The following ZRANB3 variants were observed in gnomAD, a reference collection of about 807,000 sequenced individuals.
ZRANB3 encodes the protein zinc finger RANBP2-type containing 3.
In ZRANB3, 125 loss-of-function variants were observed where a neutral mutation model predicts 133.8. The ratio of observed to expected loss-of-function variants is 0.93; its 90% confidence interval spans 0.81 to 1.08. The LOEUF (loss-of-function observed/expected upper bound fraction) is 1.08. Ranked by LOEUF, ZRANB3 falls within the 50% of genes least tolerant of loss-of-function variation. ZRANB3 has a pLI of 0.00. For missense variants in ZRANB3, 1,229 were observed against 1,275.5 expected, an observed-to-expected ratio of 0.96 and a Z score of 0.56; for synonymous variants, 387 against 432.7, an observed-to-expected ratio of 0.89 and a Z score of 1.31.
chr2:135,219,189 A>G lies in ZRANB3; in HGVS notation c.2251-11T>C, dbSNP rs1258818055. The G allele has an allele frequency of 6.7e-7, 1 of 1,490,352 alleles. No homozygotes were observed. Among genetic ancestry groups the G allele is most frequent in the African/African-American group, 1.4e-5 (1 of 69,806 alleles). 92.3% of individuals were successfully genotyped at this position (1,490,352 alleles called of 1,614,324 possible). On this transcript the variant is annotated splice_polypyrimidine_tract_variant and intron_variant, in intron 15 of 20. Transcript: ENST00000264159. ...CATCTGTTTTCCATCCTGATGATAGATTAGGAAGACACTAATAATCCATTT... is the reference window on the plus strand; with the variant it reads ...CATCTGTTTTCCATCCTGATGATAGGTTAGGAAGACACTAATAATCCATTT...
intron 4 of ZRANB3, among the ~76,000 whole-genome samples, chr2:135,352,431 G>C (rs1685252624): frequency 6.6e-6 from 1 of 151,944 alleles, no homozygotes; most frequent in Admixed American, 6.6e-5. Context: ...CTCTAAATTT[G>C]TAAGTCTTTT....
intron 8 of ZRANB3, among the ~76,000 whole-genome samples, chr2:135,276,457 T>TA (rs1301520902): frequency 1.3e-5 from 2 of 152,106 alleles, no homozygotes; most frequent in Non-Finnish European, 2.9e-5. Flanking sequence ...GAAGAAAATT[T>TA]AAAAAGTTCA....
At chr2:135,249,704 G>A (rs895896505) in intron 12 of ZRANB3, among the ~76,000 whole-genome samples, 21 of 152,152 alleles carry the variant, frequency 1.4e-4, no homozygotes, top group African/African-American at 3.6e-4. Context: ...GGTTTATCAC[G>A]GGTTTCCGCT....
chr2:135,287,463 G>A (rs537638223), intron 8 of ZRANB3, among the ~76,000 whole-genome samples: 1 of 152,210 alleles, frequency 6.6e-6, no homozygotes, highest in African/African-American at 2.4e-5. Context: ...GAAGAATGAT[G>A]ATGGTTATTT....
chr2:135,415,613 C>T (rs1214367855), intron 2 of ZRANB3, among the ~76,000 whole-genome samples: 1 of 152,154 alleles, frequency 6.6e-6, no homozygotes, highest in African/African-American at 2.4e-5. Context: ...TTTATGAGGT[C>T]AGCATCATCC....
At chr2:135,415,075 G>A (rs1688495430) in intron 2 of ZRANB3, among the ~76,000 whole-genome samples, 1 of 149,524 alleles carries the variant, frequency 6.7e-6, no homozygotes, top group Non-Finnish European at 1.5e-5. Context: ...ACATTCAAAA[G>A]CTAGCAGAAG....
At chr2:135,487,234 A>C (rs1343444982) in intron 2 of ZRANB3, among the ~76,000 whole-genome samples, 1 of 152,186 alleles carries the variant, frequency 6.6e-6, no homozygotes, top group Non-Finnish European at 1.5e-5. Flanking sequence ...GTAGGCTTAA[A>C]ATATTCAGTA....
intron 6 of ZRANB3, among the ~76,000 whole-genome samples, chr2:135,343,810 T>C (rs1684803290): frequency 6.7e-6 from 1 of 150,122 alleles, no homozygotes; most frequent in South Asian, 2.1e-4. Context: ...AATGACATAA[T>C]GGGCAAATGT....
chr2:135,457,383 G>A (rs990682773), intron 2 of ZRANB3, among the ~76,000 whole-genome samples: 1 of 152,164 alleles, frequency 6.6e-6, no homozygotes, highest in African/African-American at 2.4e-5. Flanking sequence ...CTAGCAAACT[G>A]TTTTTCAAAG....
chr2:135,203,316 G>C (rs1165798410), intron 19 of ZRANB3, among the ~76,000 whole-genome samples: 1 of 149,114 alleles, frequency 6.7e-6, no homozygotes, highest in Non-Finnish European at 1.5e-5. Flanking sequence ...AATAAGAATA[G>C]ATTAGAAATT....
intron 1 of ZRANB3, among the ~76,000 whole-genome samples, chr2:135,508,290 A>T (rs1693286111): frequency 6.6e-6 from 1 of 152,056 alleles, no homozygotes; most frequent in Non-Finnish European, 1.5e-5. Flanking sequence ...GGGGCACGCC[A>T]CCATGTCAGG....
chr2:135,369,929 T>C (rs887885388), intron 3 of ZRANB3, among the ~76,000 whole-genome samples: 1 of 152,154 alleles, frequency 6.6e-6, no homozygotes. Context: ...GACTTTATAT[T>C]GTAAACTTCA....
chr2:135,381,299 G>A (rs950315819), intron 3 of ZRANB3, among the ~76,000 whole-genome samples: 1 of 152,220 alleles, frequency 6.6e-6, no homozygotes, highest in South Asian at 2.1e-4. Flanking sequence ...AGCAAGGCTG[G>A]GGGAGGAGCG....
In ZRANB3 at chr2:135,310,265, T is replaced by C. The variant is rs79977021; in HGVS notation, c.966+3224A>G. Among the ~76,000 whole-genome samples the C allele has an allele frequency of 7.1e-3, 1,079 of 152,196 alleles. 11 individuals carry two copies. The highest frequency in any genetic ancestry group is 0.024 in the African/African-American group (1,010 of 41,524). On this transcript the variant is annotated intron_variant, in intron 8 of 20. Coordinates refer to ENST00000264159, the MANE Select transcript of ZRANB3 (RefSeq NM_032143.4). Reference sequence around the variant, plus strand: ...AAGACTTATTATAAAGCTACAGTAATCAAGCCATTGTAGTATAAGGCTGAT... The same window carrying C: ...AAGACTTATTATAAAGCTACAGTAACCAAGCCATTGTAGTATAAGGCTGAT...
intron 6 of ZRANB3, among the ~76,000 whole-genome samples, chr2:135,330,581 G>T (rs1355615528): frequency 1.3e-5 from 2 of 152,154 alleles, no homozygotes; most frequent in Non-Finnish European, 2.9e-5. Context: ...ATGAGTTAGG[G>T]AGGATTCCCT....
chr2:135,462,012 G>T (rs1282003757), intron 2 of ZRANB3, among the ~76,000 whole-genome samples: 1 of 152,160 alleles, frequency 6.6e-6, no homozygotes, highest in African/African-American at 2.4e-5. Context: ...GATAGAGTTG[G>T]ACTAGTTCTA....
intron 2 of ZRANB3, among the ~76,000 whole-genome samples, chr2:135,482,488 G>A (rs1336074623): frequency 6.7e-6 from 1 of 150,184 alleles, no homozygotes; most frequent in Non-Finnish European, 1.5e-5. Flanking sequence ...CTTTGCTGAA[G>A]TTGCTTATCA....
intron 2 of ZRANB3, among the ~76,000 whole-genome samples, chr2:135,407,055 T>C (rs1402276583): frequency 2.0e-5 from 3 of 152,126 alleles, no homozygotes; most frequent in Non-Finnish European, 4.4e-5. Context: ...GATGACATGA[T>C]TATATATCTA....
In ZRANB3 at chr2:135,386,829, C is replaced by T. The variant is rs1013491567; in HGVS notation, c.180+3973G>A. ...GCCACAGGGCAGGGAACATCACACA[C>T]GGGGGCCTTTCGGGGGTGGGGCCCT... is the stretch of plus-strand genomic sequence containing the variant. On this transcript the variant is annotated intron_variant, in intron 3 of 20. Transcript: ENST00000264159. Among the ~76,000 whole-genome samples the T allele has an allele frequency of 9.9e-5, 15 of 151,952 alleles. No homozygotes were observed. The East Asian group carries it at 2.1e-3, about 22-fold the overall frequency.
Sources: gnomAD v4.1 joint callset for allele counts (sites outside exome capture counted in the v4.1 genomes callset) on GRCh38, gnomAD v4.1.1 for gene constraint, MANE v1.5 for transcripts, NCBI Gene and HGNC (gene_info 2026-07-23, HGNC 2026-07-21) for gene names.